RBFOX3: variants seen among roughly 807,000 people sequenced by gnomAD.
RBFOX3 encodes the protein RNA binding fox-1 homolog 3, also known as RNA binding protein fox-1 homolog 3.
In RBFOX3, 17 loss-of-function variants were observed where a neutral mutation model predicts 48.7. That is an observed-to-expected ratio of 0.35 (90% confidence interval 0.24 to 0.52). RBFOX3 has a LOEUF of 0.52. Among genes scored for constraint, RBFOX3 ranks in the 20% least tolerant of loss-of-function variants. The probability of loss-of-function intolerance (pLI) is 0.94; values close to 1 mark genes in which losing one functional copy is unlikely to be tolerated. For missense variants in RBFOX3, 382 were observed against 497.5 expected (o/e 0.77, Z 2.21); for synonymous variants, 212 against 209.5 (o/e 1.01, Z -0.10).
At chr17:79,097,639 C>T (rs1438690119) in intron 10 of RBFOX3, 53 bp downstream of exon 10, 1 of 1,447,386 alleles carries the variant, frequency 6.9e-7, no homozygotes, top group East Asian at 2.5e-5. Context: ...CCCGGAGCCC[C>T]ACGGGGCCAA....
At chr17:79,295,155 G>A (rs1424333023) in intron 3 of RBFOX3, among the ~76,000 whole-genome samples, 1 of 152,166 alleles carries the variant, frequency 6.6e-6, no homozygotes, top group Non-Finnish European at 1.5e-5. Flanking sequence ...CAGAGGCCAC[G>A]GTTTGACCTG....
intron 1 of RBFOX3, among the ~76,000 whole-genome samples, chr17:79,518,072 C>A (rs1181874475): frequency 2.0e-5 from 3 of 152,222 alleles, no homozygotes; most frequent in Non-Finnish European, 4.4e-5. Context: ...CTCTCCCCTC[C>A]CTCCTCCTCC....
intron 2 of RBFOX3, among the ~76,000 whole-genome samples, chr17:79,441,153 G>C (rs1183969085): frequency 6.6e-6 from 1 of 152,230 alleles, no homozygotes; most frequent in Non-Finnish European, 1.5e-5. Context: ...CCTGGGGCAG[G>C]GTCATCAGGA....
chr17:79,365,233 G>C (rs2057564887), intron 2 of RBFOX3, among the ~76,000 whole-genome samples: 1 of 152,172 alleles, frequency 6.6e-6, no homozygotes, highest in African/African-American at 2.4e-5. Context: ...ACTTTGGCTT[G>C]TTCCAGTTTC....
chr17:79,274,095 G>A (rs1042686670), intron 3 of RBFOX3, among the ~76,000 whole-genome samples: 3 of 152,208 alleles, frequency 2.0e-5, no homozygotes, highest in African/African-American at 7.2e-5. Flanking sequence ...AGCTGGCTGA[G>A]AGAAGGCGGT....
At chr17:79,101,497 G>GT in intron 9 of RBFOX3, 87 bp downstream of exon 9, 1 of 1,203,928 alleles carries the variant, frequency 8.3e-7, no homozygotes, top group Middle Eastern at 1.9e-4. Flanking sequence ...GATCCAGGAA[G>GT]GTCAGCCTGC....
chr17:79,461,770 T>G (rs2075397874), intron 2 of RBFOX3, among the ~76,000 whole-genome samples: 1 of 152,178 alleles, frequency 6.6e-6, no homozygotes, highest in Non-Finnish European at 1.5e-5. Flanking sequence ...ATGACTGGCA[T>G]GTTTATAAGA....
At chr17:79,531,657 G>A (rs1232998493) in intron 1 of RBFOX3, among the ~76,000 whole-genome samples, 2 of 152,080 alleles carry the variant, frequency 1.3e-5, no homozygotes, top group Non-Finnish European at 2.9e-5. Context: ...CGCCTCCCAA[G>A]GGGACCCTCC....
chr17:79,458,463 C>T (rs62061741), intron 2 of RBFOX3, among the ~76,000 whole-genome samples: 5,329 of 146,138 alleles, frequency 0.036, 127 homozygotes, highest in South Asian at 0.065. Flanking sequence ...GTGTGCATGC[C>T]TGTGTGTGCG....
Position 79,089,538 on chromosome 17 carries a change from C to T in RBFOX3, c.*1345G>A, listed in dbSNP as rs1234464138. On this transcript the variant is annotated 3_prime_UTR_variant, in exon 15 of 15. Transcript: ENST00000693108. ...GGAACAGCAGAGGGGACAGGGGGCT[C>T]TGTACAGAGGACAAAGCCGGAGGCA... The T allele has an allele frequency of 6.6e-6, 1 of 152,634 alleles. No individual in the cohort carries two copies. The highest frequency in any genetic ancestry group is 1.5e-5 in the Non-Finnish European group (1 of 68,108). 9.5% of individuals were successfully genotyped at this position (152,634 alleles called of 1,614,324 possible).
At chr17:79,602,326 G>C (rs1230927418) in intron 1 of RBFOX3, among the ~76,000 whole-genome samples, 1 of 152,236 alleles carries the variant, frequency 6.6e-6, no homozygotes, top group African/African-American at 2.4e-5. Context: ...TGGGAGTGTT[G>C]ATTATAATGT....
intron 3 of RBFOX3, among the ~76,000 whole-genome samples, chr17:79,257,743 G>T (rs2065117627): frequency 6.6e-6 from 1 of 152,066 alleles, no homozygotes; most frequent in Non-Finnish European, 1.5e-5. Flanking sequence ...ACCACACCTG[G>T]CTAATTTTTG....
At chr17:79,512,202 A>G in intron 1 of RBFOX3, among the ~76,000 whole-genome samples, 1 of 144,606 alleles carries the variant, frequency 6.9e-6, no homozygotes, top group Non-Finnish European at 1.5e-5. Context: ...ATATAGCCCC[A>G]TGGCCAGGGG....
intron 2 of RBFOX3, among the ~76,000 whole-genome samples, chr17:79,420,635 T>G (rs1598615672): frequency 6.6e-6 from 1 of 152,156 alleles, no homozygotes; most frequent in African/African-American, 2.4e-5. Context: ...GGGAGGGAAG[T>G]GCACGGGAAC....
chr17:79,103,813 G>C lies in RBFOX3; in HGVS notation c.414+260C>G, dbSNP rs773603813. Among the ~76,000 whole-genome samples, 1 of 151,942 alleles carries C rather than the reference G, an allele frequency of 6.6e-6. No individual in the cohort carries two copies. The highest frequency in any genetic ancestry group is 2.4e-5 in the African/African-American group (1 of 41,376). On this transcript the variant is annotated intron_variant, in intron 7 of 14. Coordinates refer to ENST00000693108, the MANE Select transcript of RBFOX3 (RefSeq NM_001350451.2). This position sits in a 1 kb window ranked among gnomAD's most constrained non-coding sequence, Gnocchi z 6.1. ...TAAGTGTTCAGTGGGGGTGGGGCCC[G>C]GACCTGGGGCCCAGGGCTCTGGGGT...
rs549062418 is a variant in RBFOX3 at position 79,459,183 on chromosome 17, T to C, written c.-175+23271A>G. Among the ~76,000 whole-genome samples, 8 of 152,266 alleles carry C rather than the reference T, an allele frequency of 5.3e-5. No individual in the cohort carries two copies. The East Asian group carries it at 1.5e-3, about 29-fold the overall frequency. ...TTCTGGCATGACTCACAGGCCCAGGTGGCTCTCAGAGTGCATAGGGACAGC... is the reference window on the plus strand; with the variant it reads ...TTCTGGCATGACTCACAGGCCCAGGCGGCTCTCAGAGTGCATAGGGACAGC... On this transcript the variant is annotated intron_variant, in intron 2 of 14. Coordinates refer to ENST00000693108, the MANE Select transcript of RBFOX3 (RefSeq NM_001350451.2).
the RBFOX3 span, among the ~76,000 whole-genome samples, chr17:79,653,905 T>G: frequency 1.4e-5 from 2 of 143,018 alleles, no homozygotes; most frequent in South Asian, 2.2e-4. Context: ...AAAAAAAAGT[T>G]AATTCAGCTT....
At chr17:79,367,135 C>G (rs912786249) in intron 2 of RBFOX3, among the ~76,000 whole-genome samples, 2 of 152,034 alleles carry the variant, frequency 1.3e-5, no homozygotes, top group Non-Finnish European at 2.9e-5. Context: ...TGCATGTCAC[C>G]TTCGCAGAGT....
At chr17:79,389,205 C>T (rs1028375021) in intron 2 of RBFOX3, among the ~76,000 whole-genome samples, 1 of 152,214 alleles carries the variant, frequency 6.6e-6, no homozygotes, top group Non-Finnish European at 1.5e-5. Context: ...GAGCACTAAC[C>T]ACCAAACCTC....
Sources: gnomAD v4.1 joint callset for allele counts (sites outside exome capture counted in the v4.1 genomes callset) on GRCh38, gnomAD v4.1.1 for gene constraint, Gnocchi (gnomAD v3.1) non-coding constraint, MANE v1.5 for transcripts, NCBI Gene and HGNC (gene_info 2026-07-23, HGNC 2026-07-21) for gene names.